RBFOX1: variants seen among roughly 807,000 people sequenced by gnomAD.
The protein encoded by RBFOX1 is RNA binding fox-1 homolog 1.
In RBFOX1, 8 loss-of-function variants were observed where a neutral mutation model predicts 57.7. The ratio of observed to expected loss-of-function variants is 0.14; its 90% CI spans 0.08 to 0.25. RBFOX1 has a LOEUF of 0.25. RBFOX1 is among the 10% of genes least tolerant of loss of function. The pLI, the probability that RBFOX1 is intolerant of heterozygous loss-of-function variation, is 1.00. For missense variants in RBFOX1, 611 were observed against 548.5 expected (o/e 1.11, Z -1.14); for synonymous variants, 326 against 222.4 (o/e 1.47, Z -4.15).
chr16:6,626,957 T>C (rs1299412979), intron 2 of RBFOX1, among the ~76,000 whole-genome samples: 2 of 152,138 alleles, frequency 1.3e-5, no homozygotes, highest in African/African-American at 2.4e-5. Flanking sequence ...ATACAAACTA[T>C]TATTATCCTC....
chr16:7,380,829 C>G (rs1357615861), intron 4 of RBFOX1, among the ~76,000 whole-genome samples: 1 of 152,184 alleles, frequency 6.6e-6, no homozygotes, highest in Non-Finnish European at 1.5e-5. Flanking sequence ...TTCATAGAAG[C>G]AGGGGTCTTC....
intron 4 of RBFOX1, among the ~76,000 whole-genome samples, chr16:5,920,469 G>T (rs1353536100): frequency 2.0e-5 from 3 of 152,136 alleles, no homozygotes; most frequent in Non-Finnish European, 4.4e-5. Context: ...GTATACCTAG[G>T]AGTGGAATTA....
intron 14 of RBFOX1, among the ~76,000 whole-genome samples, chr16:7,703,940 G>T (rs1275165975): frequency 6.6e-6 from 1 of 152,170 alleles, no homozygotes; most frequent in African/African-American, 2.4e-5. Flanking sequence ...GGGCAAGGAG[G>T]GAGAGATTGG....
intron 1 of RBFOX1, among the ~76,000 whole-genome samples, chr16:6,085,873 T>A (rs1274909017): frequency 1.3e-5 from 2 of 152,156 alleles, no homozygotes. Flanking sequence ...GCAGGTTTGT[T>A]ACATAGGTAA....
At chr16:7,472,138 T>G (rs1480391343) in intron 4 of RBFOX1, among the ~76,000 whole-genome samples, 1 of 152,242 alleles carries the variant, frequency 6.6e-6, no homozygotes, top group Non-Finnish European at 1.5e-5. Context: ...ATGTTTATAA[T>G]TTCTTCTTTT....
chr16:7,244,145 A>T (rs13331053), intron 4 of RBFOX1, among the ~76,000 whole-genome samples: 11,064 of 151,706 alleles, frequency 0.073, 614 homozygotes, highest in African/African-American at 0.16. Flanking sequence ...TTGTCATCAA[A>T]GGGTAACTCC....
chr16:5,499,359 C>T (rs1175063226), intron 2 of RBFOX1, among the ~76,000 whole-genome samples: 1 of 152,162 alleles, frequency 6.6e-6, no homozygotes, highest in African/African-American at 2.4e-5. Context: ...AGAACTCTCT[C>T]TGTCCAGGTC....
intron 2 of RBFOX1, among the ~76,000 whole-genome samples, chr16:5,474,903 G>A (rs1339332326): frequency 7.2e-5 from 11 of 152,208 alleles, no homozygotes. Flanking sequence ...ATTGGCTATG[G>A]ATTGAACCTT....
At chr16:6,309,330 T>C (rs1358123451) in intron 1 of RBFOX1, among the ~76,000 whole-genome samples, 1 of 152,180 alleles carries the variant, frequency 6.6e-6, no homozygotes. Context: ...CTCTCTGGCC[T>C]TGAATCTGAG....
At position 5,966,996 on chromosome 16, in the gene RBFOX1, G is replaced by A. The variant is rs1233838678; in HGVS notation, c.351+99661G>A. Among the ~76,000 whole-genome samples the A allele has an allele frequency of 2.2e-5, 3 of 138,266 alleles. 1 individual carries two copies. The highest frequency in any genetic ancestry group is 5.3e-5 in the African/African-American group (2 of 38,002). The allele number at this position is 138,266 out of a possible 152,430, so 90.7% of individuals were successfully genotyped here. On this transcript the variant is annotated intron_variant, in intron 4 of 19. Coordinates refer to the RBFOX1 transcript ENST00000641259. ...TTGTCTTTCTTGCACTAAATCGGGG[G>A]GGGGGGGGTCAATAAATGATAGCTC...
chr16:7,491,558 C>T, intron 4 of RBFOX1, among the ~76,000 whole-genome samples: 1 of 151,566 alleles, frequency 6.6e-6, no homozygotes, highest in African/African-American at 2.4e-5. Context: ...TCAAGGCAAT[C>T]TTTTGAATTA....
At chr16:6,281,613 C>T (rs376429952) in intron 1 of RBFOX1, among the ~76,000 whole-genome samples, 1 of 152,030 alleles carries the variant, frequency 6.6e-6, no homozygotes, top group African/African-American at 2.4e-5. Context: ...TGTGGGAGAA[C>T]ACCGAGTAAA....
chr16:7,696,371 T>C (rs545987581), intron 14 of RBFOX1, among the ~76,000 whole-genome samples: 3 of 152,258 alleles, frequency 2.0e-5, no homozygotes, highest in African/African-American at 7.2e-5. Flanking sequence ...GTTGGATTCT[T>C]CAATAGATGG....
intron 2 of RBFOX1, among the ~76,000 whole-genome samples, chr16:6,547,889 G>A (rs536679795): frequency 3.3e-5 from 5 of 152,142 alleles, no homozygotes; most frequent in Admixed American, 6.5e-5. Flanking sequence ...TGTTTCTCAC[G>A]GTTAGGATGC....
chr16:6,768,783 C>T (rs929798196), intron 3 of RBFOX1, among the ~76,000 whole-genome samples: 2 of 148,340 alleles, frequency 1.3e-5, no homozygotes, highest in African/African-American at 5.0e-5. Context: ...GGTTGGAGTG[C>T]AATGGGGCGA....
At chr16:6,747,234 C>G (rs1039528022) in intron 3 of RBFOX1, among the ~76,000 whole-genome samples, 1 of 152,050 alleles carries the variant, frequency 6.6e-6, no homozygotes, top group Non-Finnish European at 1.5e-5. Context: ...ATGGTGAAAA[C>G]CCCGTCTCTA....
chr16:6,450,767 GTATATA>G (rs371495786), intron 2 of RBFOX1, among the ~76,000 whole-genome samples: 6 of 34,122 alleles, frequency 1.8e-4, no homozygotes, highest in African/African-American at 5.3e-4. Context: ...ATATATATGT[GTATATA>G]TATATATATA....
intron 4 of RBFOX1, among the ~76,000 whole-genome samples, chr16:5,955,906 C>T (rs908509287): frequency 2.0e-5 from 3 of 152,168 alleles, no homozygotes; most frequent in Admixed American, 2.0e-4. Context: ...ATAGCAAACA[C>T]TTAAAAATGT....
At chr16:6,261,842 C>A (rs1049182045) in intron 1 of RBFOX1, among the ~76,000 whole-genome samples, 1 of 147,382 alleles carries the variant, frequency 6.8e-6, no homozygotes, top group Non-Finnish European at 1.5e-5. Context: ...CTAAAAATAC[C>A]AAAAAACAAA....
Sources: gnomAD v4.1 joint callset for allele counts (sites outside exome capture counted in the v4.1 genomes callset) on GRCh38, gnomAD v4.1.1 for gene constraint, MANE v1.5 for transcripts, NCBI Gene and HGNC (gene_info 2026-07-23, HGNC 2026-07-21) for gene names.